Variants in EPHA7 observed in about 807,000 individuals in gnomAD.
EPHA7 encodes EPH receptor A7.
EPHA7 carries 25 observed loss-of-function variants against 112.6 expected under a neutral mutation model. The ratio of observed to expected loss-of-function variants is 0.22; its 90% CI spans 0.16 to 0.31. EPHA7 has a LOEUF of 0.31. Ranked by LOEUF, EPHA7 falls within the 10% of genes least tolerant of loss-of-function variation. The pLI, the probability that EPHA7 is intolerant of heterozygous loss-of-function variation, is 1.00. For missense variants in EPHA7, 962 were observed against 1,212.6 expected (o/e 0.79, Z 3.07); for synonymous variants, 437 against 406.5 (o/e 1.07, Z -0.90).
At chr6:93,329,658 A>G (rs1774493800) in intron 5 of EPHA7, among the ~76,000 whole-genome samples, 1 of 151,444 alleles carries the variant, frequency 6.6e-6, no homozygotes, top group Non-Finnish European at 1.5e-5. Flanking sequence ...GACTGACTAA[A>G]TAAACTTAGT....
At position 93,257,489 on chromosome 6, in the gene EPHA7, T is replaced by G; in HGVS notation, c.2145A>C (p.Glu715Asp). 4 of 1,612,002 alleles carry G rather than the reference T, an allele frequency of 2.5e-6. No homozygotes were observed. The highest frequency in any genetic ancestry group is 3.4e-6 in the Non-Finnish European group (4 of 1,178,912). Residue 715 changes from glutamate (E) to aspartate (D), a missense_variant, in exon 12 of 17, where the codon GAA (glutamate) becomes GAC (aspartate). This residue lies in a region of EPHA7 where 746 missense variants were observed against 889.2 expected (regional missense o/e 0.84). Transcript: ENST00000369303. Reference sequence around the variant, plus strand: ...TGAGAAATGCATCTAGGGCTCCATTTTCCATGAACTCTATTACTATCATGA... The same window carrying G: ...TGAGAAATGCATCTAGGGCTCCATTGTCCATGAACTCTATTACTATCATGA... The part of the protein sequence containing the change: ...KPVMIVIEFM[E>D]NGALDAFLRK...
At chr6:93,286,945 G>T (rs1772095686) in intron 5 of EPHA7, among the ~76,000 whole-genome samples, 1 of 151,978 alleles carries the variant, frequency 6.6e-6, no homozygotes. Context: ...CATGAATATA[G>T]TACTTTTTAA....
chr6:93,268,630 C>G (rs558975669), intron 7 of EPHA7, among the ~76,000 whole-genome samples: 1 of 151,632 alleles, frequency 6.6e-6, no homozygotes, highest in Non-Finnish European at 1.5e-5. Context: ...AATATAGAAA[C>G]ATGTACTGAG....
intron 5 of EPHA7, among the ~76,000 whole-genome samples, chr6:93,303,481 G>A (rs1016621096): frequency 3.3e-5 from 5 of 151,690 alleles, no homozygotes; most frequent in Non-Finnish European, 5.9e-5. Context: ...GTGCTAAAGA[G>A]AAAAAAAATC....
Position 93,389,987 on chromosome 6 carries a change from C to T in EPHA7, c.832+20514G>A, listed in dbSNP as rs141331311. 3.0e-3 allele frequency among the ~76,000 whole-genome samples: 454 copies of T among 151,890 alleles called. 2 individuals are homozygous for T. The highest frequency in any genetic ancestry group is 4.7e-3 in the Non-Finnish European group (321 of 67,824). On this transcript the variant is annotated intron_variant, in intron 3 of 16. Coordinates refer to ENST00000369303, the MANE Select transcript of EPHA7 (RefSeq NM_004440.4). The stretch of plus-strand genomic sequence containing the variant: ...TCAGTGAATTGGAAAATTTCTGTGT[C>T]CCCAAGTATCACTGAAATTTGTAAA...
At chr6:93,247,718 T>A (rs993156393) in intron 14 of EPHA7, among the ~76,000 whole-genome samples, 5 of 152,158 alleles carry the variant, frequency 3.3e-5, no homozygotes, top group African/African-American at 1.2e-4. Flanking sequence ...ACTGCCTATC[T>A]AATAGGCATA....
intron 5 of EPHA7, among the ~76,000 whole-genome samples, chr6:93,300,942 T>C (rs1772947914): frequency 1.3e-5 from 2 of 152,188 alleles, no homozygotes; most frequent in South Asian, 4.1e-4. Flanking sequence ...CAAACCTGCA[T>C]AGTATGTTAC....
chr6:93,413,622 T>C (rs938597474), intron 2 of EPHA7, among the ~76,000 whole-genome samples: 9 of 151,910 alleles, frequency 5.9e-5, no homozygotes, highest in African/African-American at 2.2e-4. Context: ...ATATTTAATC[T>C]GTAAAATGGT....
intron 3 of EPHA7, among the ~76,000 whole-genome samples, chr6:93,378,569 A>G (rs959881230): frequency 2.6e-5 from 4 of 152,116 alleles, no homozygotes; most frequent in Non-Finnish European, 1.5e-5. Flanking sequence ...CTTTTCACTT[A>G]TCCAGAATAC....
chr6:93,314,029 T>G (rs1773668462), intron 5 of EPHA7, among the ~76,000 whole-genome samples: 1 of 152,158 alleles, frequency 6.6e-6, no homozygotes, highest in African/African-American at 2.4e-5. Flanking sequence ...CTTCTCGTTT[T>G]CAATTCTTCT....
chr6:93,259,239 A>T, intron 10 of EPHA7, 115 bp downstream of exon 10: 1 of 1,297,696 alleles, frequency 7.7e-7, no homozygotes, highest in Non-Finnish European at 1.1e-6. Context: ...CCAACAGTTC[A>T]GGTAAATGCA....
At chr6:93,283,453 T>A (rs1032083554) in intron 5 of EPHA7, among the ~76,000 whole-genome samples, 1 of 152,082 alleles carries the variant, frequency 6.6e-6, no homozygotes, top group Non-Finnish European at 1.5e-5. Context: ...CTCTTTGTGA[T>A]AAATCTTGCT....
intron 5 of EPHA7, among the ~76,000 whole-genome samples, chr6:93,288,149 T>C (rs1772168052): frequency 6.6e-6 from 1 of 152,190 alleles, no homozygotes. Flanking sequence ...AGCAATATTA[T>C]TCATATAGCC....
At chr6:93,298,248 C>T (rs1422509270) in intron 5 of EPHA7, among the ~76,000 whole-genome samples, 2 of 151,906 alleles carry the variant, frequency 1.3e-5, no homozygotes, top group South Asian at 4.1e-4. Context: ...TAGTGGGAGC[C>T]GACAGTCAGA....
chr6:93,414,588 A>G, intron 2 of EPHA7, 115 bp downstream of exon 2: 1 of 770,398 alleles, frequency 1.3e-6, no homozygotes, highest in South Asian at 1.6e-5. Flanking sequence ...ATTGGACAAG[A>G]TATTTGGAAT....
chr6:93,273,563 A>T (rs1164408069), intron 5 of EPHA7, among the ~76,000 whole-genome samples: 1 of 151,900 alleles, frequency 6.6e-6, no homozygotes, highest in Non-Finnish European at 1.5e-5. Flanking sequence ...GGCGATTTTG[A>T]AGGAAGGACA....
chr6:93,367,964 A>G, intron 3 of EPHA7, among the ~76,000 whole-genome samples: 1 of 152,136 alleles, frequency 6.6e-6, no homozygotes, highest in East Asian at 1.9e-4. Flanking sequence ...AGAAATACAA[A>G]TTAGTTATTA....
At chr6:93,354,439 A>G (rs945309109) in intron 5 of EPHA7, among the ~76,000 whole-genome samples, 1 of 151,924 alleles carries the variant, frequency 6.6e-6, no homozygotes, top group South Asian at 2.1e-4. Context: ...ACCTTTATTT[A>G]TGTTTATGTT....
chr6:93,269,442 T>C, intron 7 of EPHA7, 35 bp downstream of exon 7: 1 of 1,585,442 alleles, frequency 6.3e-7, no homozygotes, highest in South Asian at 1.1e-5. Flanking sequence ...GCTAGAGTTA[T>C]TGAGAGTAGG....
Sources: gnomAD v4.1 joint callset for allele counts (sites outside exome capture counted in the v4.1 genomes callset) on GRCh38, gnomAD v4.1.1 for gene constraint, gnomAD v4.1.1 regional missense constraint, MANE v1.5 for transcripts, NCBI Gene and HGNC (gene_info 2026-07-23, HGNC 2026-07-21) for gene names.